The following RPGRIP1 variants were observed in gnomAD, a reference collection of about 807,000 sequenced individuals.
The protein encoded by RPGRIP1 is RPGR interacting protein 1.
In RPGRIP1, 128 loss-of-function variants were observed where a neutral mutation model predicts 157.9. The observed-to-expected ratio is 0.81, with a 90% CI of 0.70 to 0.94. RPGRIP1 has a LOEUF of 0.94. RPGRIP1 is among the 40% of genes least tolerant of loss of function. The pLI, the probability that RPGRIP1 is intolerant of heterozygous loss-of-function variation, is 0.00. For synonymous variants in RPGRIP1, 554 were observed against 571.6 expected, an observed-to-expected ratio of 0.97 and a Z score of 0.44; for missense variants, 1,486 against 1,545.8, an observed-to-expected ratio of 0.96 and a Z score of 0.65.
chr14:21,340,939 A>C (rs558355595), intron 21 of RPGRIP1, among the ~76,000 whole-genome samples: 246 of 151,952 alleles, frequency 1.6e-3, no homozygotes, highest in Non-Finnish European at 2.5e-3. Flanking sequence ...TCAAAAAAAA[A>C]CCAGATTTTT....
chr14:21,343,218 C>T lies in RPGRIP1; in HGVS notation c.3522C>T (p.His1174=). The T allele has an allele frequency of 6.2e-7, 1 of 1,612,360 alleles. No homozygotes were observed. The highest frequency in any genetic ancestry group is 8.5e-7 in the Non-Finnish European group (1 of 1,179,192). ...KPRAGEEIHF[H]FSKVIDLDPQ... is the part of the protein sequence containing the mutation. ...GGGCAGGAGAAGAAATCCACTTTCA[C>T]TTTAGCAAGGGTGAGGCATCCTGTG... The change falls in exon 22 of 25, where the codon CAC becomes CAT. Residue 1174 remains histidine, a synonymous_variant. Transcript: ENST00000400017.
chr14:21,324,972 C>G lies in RPGRIP1; in HGVS notation c.2117C>G (p.Ala706Gly). ...EASARLDIHQAMASEHSTLAA... is the reference protein window; with the variant it reads ...EASARLDIHQGMASEHSTLAA... ...TCAGCCCGGCTTGACATACACCAGG[C>G]CATGGCCAGTGAACACAGCACTCTT... Residue 706 changes from alanine to glycine, a missense_variant, in exon 15 of 25, where the codon GCC becomes GGC. Coordinates refer to ENST00000400017, the MANE Select transcript of RPGRIP1 (RefSeq NM_020366.4). The G allele has an allele frequency of 6.2e-7, 1 of 1,614,014 alleles. No individual in the cohort carries two copies. Among genetic ancestry groups the G allele is most frequent in the African/African-American group, 1.3e-5 (1 of 75,058 alleles).
In RPGRIP1 at chr14:21,326,070, C is replaced by T; in HGVS notation, c.2607C>T (p.Ala869=). The change falls in exon 17 of 25, where the codon GCC becomes GCT. Residue 869 remains alanine, a synonymous_variant. Transcript: ENST00000400017. ...TGGACCATTATCTGAGACGGGAGGC[C>T]TTGTCTATACATGTTTTTGATGATG... ...SDLDHYLRRE[A]LSIHVFDDED... The T allele has an allele frequency of 6.2e-7, 1 of 1,613,896 alleles. No homozygotes were observed. The highest frequency in any genetic ancestry group is 8.5e-7 in the Non-Finnish European group (1 of 1,179,844).
chr14:21,323,602 T>C (rs1882738387), intron 14 of RPGRIP1, among the ~76,000 whole-genome samples: 1 of 152,248 alleles, frequency 6.6e-6, no homozygotes. Context: ...CACCAGTTAT[T>C]TGTATTATTC....
At chr14:21,349,538 G>A (rs1885956006) in intron 24 of RPGRIP1, among the ~76,000 whole-genome samples, 1 of 151,428 alleles carries the variant, frequency 6.6e-6, no homozygotes, top group Admixed American at 6.6e-5. Flanking sequence ...TAGTAGCTGG[G>A]ATTACAGGCA....
At chr14:21,336,289 C>T (rs934131778) in intron 21 of RPGRIP1, among the ~76,000 whole-genome samples, 3 of 152,158 alleles carry the variant, frequency 2.0e-5, no homozygotes, top group African/African-American at 7.2e-5. Flanking sequence ...AATCCCAGCA[C>T]TTTGGGAAAC....
rs1375479841 is a variant in RPGRIP1, at chr14:21,298,526, T to TAGC, written c.219-2438_219-2436dup. Among the ~76,000 whole-genome samples the TAGC allele has an allele frequency of 5.3e-5, 8 of 151,966 alleles. No homozygotes were observed. In the East Asian group the frequency reaches 1.6e-3, roughly 30 times the overall value. On this transcript the variant is annotated intron_variant, in intron 3 of 24. Transcript: ENST00000400017. ...AAACGAAAACAAAAACAAATGGAGA[T>TAGC]AGCACAGACTAGCTTCAAACAACAC...
At chr14:21,331,620 C>T (rs1448503989) in intron 20 of RPGRIP1, among the ~76,000 whole-genome samples, 1 of 152,126 alleles carries the variant, frequency 6.6e-6, no homozygotes, top group Non-Finnish European at 1.5e-5. Flanking sequence ...CACATGCCTT[C>T]CTCTACTTCT....
intron 8 of RPGRIP1, chr14:21,311,046 A>G (rs935797548): frequency 4.5e-6 from 2 of 439,838 alleles, no homozygotes; most frequent in African/African-American, 2.0e-5. Flanking sequence ...AAGAATCACC[A>G]CTAAGACAGA....
At chr14:21,290,475 A>T (rs1880478207) in intron 2 of RPGRIP1, among the ~76,000 whole-genome samples, 1 of 152,148 alleles carries the variant, frequency 6.6e-6, no homozygotes, top group Non-Finnish European at 1.5e-5. Flanking sequence ...GGAGTTCAAG[A>T]CTAGCCTGGT....
chr14:21,316,930 G>A lies in RPGRIP1; in HGVS notation c.1152-766G>A, dbSNP rs1419332269. On this transcript the variant is annotated intron_variant, in intron 10 of 24. Coordinates refer to ENST00000400017, the MANE Select transcript of RPGRIP1 (RefSeq NM_020366.4). ...AGGTCAGGAGTTCAAGACCAGCACA[G>A]CCAACATTGTAAAACCCCGTCTCTA... Among the ~76,000 whole-genome samples the A allele has an allele frequency of 3.9e-5, 6 of 151,954 alleles. No individual in the cohort carries two copies. In the East Asian group the frequency reaches 1.2e-3, roughly 30 times the overall value.
intron 22 of RPGRIP1, among the ~76,000 whole-genome samples, chr14:21,343,714 A>G (rs1429341832): frequency 1.3e-5 from 2 of 151,508 alleles, no homozygotes; most frequent in Non-Finnish European, 2.9e-5. Context: ...CTGGTCTCAA[A>G]CTCCTGACCT....
At chr14:21,319,881 AATAAT>A in intron 11 of RPGRIP1, 131 bp from the exon 12 acceptor site, 1 of 885,868 alleles carries the variant, frequency 1.1e-6, no homozygotes, top group South Asian at 1.8e-5. Context: ...CCTCTGTAGA[AATAAT>A]AGAGAATTGC....
chr14:21,328,771 C>G, intron 19 of RPGRIP1, 144 bp downstream of exon 19: 1 of 637,454 alleles, frequency 1.6e-6, no homozygotes, highest in Non-Finnish European at 2.7e-6. Context: ...GCCTGTAATC[C>G]CAGCACTTTG....
At chr14:21,292,357 TTTTCGGAGAAAAA>T (rs1426698406) in intron 2 of RPGRIP1, among the ~76,000 whole-genome samples, 1 of 151,926 alleles carries the variant, frequency 6.6e-6, no homozygotes, top group Non-Finnish European at 1.5e-5. Flanking sequence ...AGAAACACTG[TTTTCGGAGAAAAA>T]AAAATTTTGA....
chr14:21,326,156 A>G lies in RPGRIP1; in HGVS notation c.2693A>G (p.Lys898Arg), dbSNP rs1330207465. The change falls in exon 17 of 25, where the codon AAA becomes AGA. Residue 898 changes from lysine to arginine, a missense_variant. Coordinates refer to ENST00000400017, the MANE Select transcript of RPGRIP1 (RefSeq NM_020366.4). ...RARVPLLPLAKNESIKGDFNL... is the reference protein window; with the variant it reads ...RARVPLLPLARNESIKGDFNL... Reference sequence around the variant, plus strand: ...CGAGTGCCTTTACTGCCTCTTGCAAAAAATGAATCTATCAAAGGTGGGAGT... The same window carrying G: ...CGAGTGCCTTTACTGCCTCTTGCAAGAAATGAATCTATCAAAGGTGGGAGT... 2.5e-6 allele frequency: 4 copies of G among 1,572,992 alleles called. No homozygotes were observed. The highest frequency in any genetic ancestry group is 3.6e-5 in the Admixed American group (2 of 55,024).
At position 21,324,854 on chromosome 14, in the gene RPGRIP1, C is replaced by G. The variant is rs1377877363; in HGVS notation, c.1999C>G (p.Pro667Ala). Residue 667 changes from proline (P) to alanine (A), a missense_variant, in exon 15 of 25, where the codon CCA (proline) becomes GCA (alanine). Coordinates refer to ENST00000400017, the MANE Select transcript of RPGRIP1 (RefSeq NM_020366.4). ...CTATGACTTTGAAACCCACTGTACCCCATTATCTGTGGGGCCACAGCCCCT... is the reference window on the plus strand; with the variant it reads ...CTATGACTTTGAAACCCACTGTACCGCATTATCTGTGGGGCCACAGCCCCT... ...SFYDFETHCT[P>A]LSVGPQPLYD... 1 of 1,614,004 alleles carries G rather than the reference C, an allele frequency of 6.2e-7. No individual in the cohort carries two copies.
At position 21,303,448 on chromosome 14, in the gene RPGRIP1, A is replaced by G; in HGVS notation, c.705A>G (p.Glu235=). 3 of 1,613,964 alleles carry G rather than the reference A, an allele frequency of 1.9e-6. No individual in the cohort carries two copies. Among genetic ancestry groups the G allele is most frequent in the Non-Finnish European group, 2.5e-6 (3 of 1,179,888 alleles). ...TGGCCAGCAATACCATGCAAGTGGA[A>G]GAGCCACCCAAGTCTCCTGAGAAAA... ...HIMASNTMQV[E]EPPKSPEKMW... The change falls in exon 6 of 25, where the codon GAA becomes GAG. Residue 235 remains glutamate, a synonymous_variant. Transcript: ENST00000400017.
chr14:21,320,058 C>T lies in RPGRIP1; in HGVS notation c.1348C>T (p.Gln450Ter). ...DLKLEVTNILQKHKQEVELLQ... is the reference protein window; with the variant it reads ...DLKLEVTNIL ...GAAGCTTGAAGTCACCAACATACTT[C>T]AGAAGCATAAACAGGAAGTAGAGCT... is the stretch of plus-strand genomic sequence containing the variant. Residue 450 changes from glutamine to a stop codon, truncating the protein, a stop_gained, in exon 12 of 25, where the codon CAG (glutamine) becomes TAG (stop). Coordinates refer to ENST00000400017, the MANE Select transcript of RPGRIP1 (RefSeq NM_020366.4). LOFTEE classifies it high-confidence loss of function. 1 of 1,613,378 alleles carries T rather than the reference C, an allele frequency of 6.2e-7. No homozygotes were observed. Among genetic ancestry groups the T allele is most frequent in the South Asian group, 1.1e-5 (1 of 90,930 alleles).
Sources: gnomAD v4.1 joint callset for allele counts (sites outside exome capture counted in the v4.1 genomes callset) on GRCh38, gnomAD v4.1.1 for gene constraint, MANE v1.5 for transcripts, NCBI Gene and HGNC (gene_info 2026-07-23, HGNC 2026-07-21) for gene names.